AGGF1: variants seen among roughly 807,000 people sequenced by gnomAD.
AGGF1 encodes the protein angiogenic factor with G patch and FHA domains 1.
A neutral mutation model predicts 86.5 loss-of-function variants in AGGF1; 56 were observed. The ratio of observed to expected loss-of-function variants is 0.65; its 90% CI spans 0.52 to 0.81. The LOEUF (loss-of-function observed/expected upper bound fraction) is 0.81. AGGF1 is among the 30% of genes least tolerant of loss of function. The pLI is 0.00. For missense variants in AGGF1, 816 were observed against 850.9 expected (o/e 0.96, Z 0.51); for synonymous variants, 313 against 297.1 (o/e 1.05, Z -0.55).
intron 7 of AGGF1, 65 bp from the exon 8 acceptor site, chr5:77,048,871 C>T: frequency 6.8e-7 from 1 of 1,467,156 alleles, no homozygotes; most frequent in Non-Finnish European, 9.5e-7. Flanking sequence ...TTTTAAAATT[C>T]TTTCCATGTC....
At chr5:77,035,800 GTTA>G in intron 3 of AGGF1, 57 bp downstream of exon 3, 1 of 1,460,366 alleles carries the variant, frequency 6.8e-7, no homozygotes, top group South Asian at 1.1e-5. Context: ...CTTCTTTGTT[GTTA>G]TTATGTGGAA....
rs1236404006 is a variant in AGGF1 at position 77,048,215 on chromosome 5, TG to T, written c.1257del (p.Leu420CysfsTer3). 2 of 1,613,906 alleles carry T rather than the reference TG, an allele frequency of 1.2e-6. No homozygotes were observed. Among genetic ancestry groups the T allele is most frequent in the Non-Finnish European group, 8.5e-7 (1 of 1,179,852 alleles). ...AGAGTAATTGTCATTAGATCACCTG[TG>T]TTGCAGATAGGATCACTCTTTATCA... ...CIRVIVIRSP[V>X]LQIGSLFIIT... On this transcript the variant is annotated frameshift_variant, in exon 7 of 14. Transcript: ENST00000312916. LOFTEE classifies it high-confidence loss of function.
chr5:77,038,218 A>T (rs1163369632), intron 4 of AGGF1, among the ~76,000 whole-genome samples: 1 of 152,238 alleles, frequency 6.6e-6, no homozygotes, highest in Non-Finnish European at 1.5e-5. Flanking sequence ...CTAATTGACA[A>T]TGCTAATTAA....
chr5:77,055,674 T>C (rs1266520519), intron 11 of AGGF1, 78 bp downstream of exon 11: 1 of 947,880 alleles, frequency 1.1e-6, no homozygotes, highest in East Asian at 2.5e-5. Flanking sequence ...ATATGCTCAG[T>C]ACATTTTATA....
At chr5:77,062,423 G>T (rs1454053599) in intron 13 of AGGF1, among the ~76,000 whole-genome samples, 1 of 152,160 alleles carries the variant, frequency 6.6e-6, no homozygotes, top group South Asian at 2.1e-4. Context: ...GGATTTTGTA[G>T]TCAGACCTAG....
intron 12 of AGGF1, among the ~76,000 whole-genome samples, chr5:77,061,084 T>A (rs1049333885): frequency 6.6e-6 from 1 of 152,166 alleles, no homozygotes; most frequent in South Asian, 2.1e-4. Flanking sequence ...ATATGTAACA[T>A]GTACAGAAAA....
intron 1 of AGGF1, among the ~76,000 whole-genome samples, chr5:77,032,252 T>TAAAAAAAAAAAAAAAAAAAAAAAAAAA (rs35068401): frequency 9.3e-6 from 1 of 107,880 alleles, no homozygotes; most frequent in Non-Finnish European, 1.8e-5. Context: ...ACAAATATGG[T>TAAAAAAAAAAAAAAAAAAAAAAAAAAA]AAAAAAAAAA....
chr5:77,043,552 C>G (rs1747177457), intron 5 of AGGF1, among the ~76,000 whole-genome samples: 2 of 146,672 alleles, frequency 1.4e-5, no homozygotes, highest in African/African-American at 5.0e-5. Flanking sequence ...CCCCACCTCC[C>G]TCCCGGACGG....
chr5:77,041,133 C>T (rs4463165), intron 5 of AGGF1, among the ~76,000 whole-genome samples: 87,434 of 151,998 alleles, frequency 0.58, 25,571 homozygotes, highest in Non-Finnish European at 0.61. Context: ...ATTTGATTTG[C>T]TTCTGTTCTA....
At position 77,048,998 on chromosome 5, in the gene AGGF1, T is replaced by C. The variant is rs756491228; in HGVS notation, c.1365+11T>C. On this transcript the variant is annotated intron_variant, in intron 8 of 13. Transcript: ENST00000312916. ...GTTGGTGTCAGTAAGGTAAGCTCTT[T>C]GATTTATCAAATATAGTCCCCTAGA... 5.6e-6 allele frequency: 9 copies of C among 1,612,830 alleles called. No homozygotes were observed. The highest frequency in any genetic ancestry group is 1.7e-5 in the Admixed American group (1 of 60,024).
chr5:77,039,764 T>C, intron 5 of AGGF1, 45 bp downstream of exon 5: 2 of 1,556,444 alleles, frequency 1.3e-6, no homozygotes, highest in Non-Finnish European at 1.8e-6. Flanking sequence ...GGTGATAACA[T>C]GATAATTAAG....
In AGGF1 at chr5:77,030,787, C is replaced by CCCGCCGCGGTCG. The variant is rs1403365443; in HGVS notation, c.29_40dup (p.Arg10_Pro13dup). On this transcript the variant is annotated inframe_insertion, in exon 1 of 14. Coordinates refer to ENST00000312916, the MANE Select transcript of AGGF1 (RefSeq NM_018046.5). Reference sequence around the variant, plus strand: ...AGCTCATGGCCTCGGAGGCGCCGTCCCCGCCGCGGTCGCCGCCGCCGCCCA... The same window carrying CCCGCCGCGGTCG: ...AGCTCATGGCCTCGGAGGCGCCGTCCCCGCCGCGGTCGCCGCCGCGGTCGCCGCCGCCGCCCA... The CCCGCCGCGGTCG allele has an allele frequency of 7.6e-6, 12 of 1,587,720 alleles. No individual in the cohort carries two copies. Among genetic ancestry groups the CCCGCCGCGGTCG allele is most frequent in the East Asian group, 2.3e-5 (1 of 43,834 alleles).
chr5:77,059,878 G>T, intron 12 of AGGF1, 135 bp downstream of exon 12: 9 of 1,189,446 alleles, frequency 7.6e-6, no homozygotes, highest in Non-Finnish European at 1.1e-5. Flanking sequence ...GTCTTGCTCC[G>T]TCGCCCAGGC....
chr5:77,039,480 G>A (rs1554046159), intron 4 of AGGF1, 51 bp from the exon 5 acceptor site: 2 of 1,464,636 alleles, frequency 1.4e-6, no homozygotes, highest in East Asian at 4.7e-5. Context: ...TTTTCGTTAA[G>A]TTTATTTTAT....
chr5:77,053,799 A>G (rs1449425441), intron 9 of AGGF1, among the ~76,000 whole-genome samples, 166 bp from the exon 10 acceptor site: 1 of 152,094 alleles, frequency 6.6e-6, no homozygotes, highest in African/African-American at 2.4e-5. Context: ...TTTATGGGTC[A>G]TTAAGTTGGG....
At chr5:77,031,474 G>A (rs1465053918) in intron 1 of AGGF1, among the ~76,000 whole-genome samples, 2 of 152,202 alleles carry the variant, frequency 1.3e-5, no homozygotes, top group Non-Finnish European at 2.9e-5. Flanking sequence ...TCTTCTGGGC[G>A]TTTATCATCT....
intron 11 of AGGF1, among the ~76,000 whole-genome samples, chr5:77,058,971 A>C (rs1747503895): frequency 6.6e-6 from 1 of 152,198 alleles, no homozygotes; most frequent in Non-Finnish European, 1.5e-5. Flanking sequence ...AAGTCACTTA[A>C]ATGGAGCTTT....
At position 77,052,812 on chromosome 5, in the gene AGGF1, G is replaced by A. The variant is rs765383654; in HGVS notation, c.1467+5G>A. On this transcript the variant is annotated splice_donor_5th_base_variant and intron_variant, in intron 9 of 13. Coordinates refer to ENST00000312916, the MANE Select transcript of AGGF1 (RefSeq NM_018046.5). Reference sequence around the variant, plus strand: ...AATGGAAAACAGATTCTTCAGGTGAGTGTATATGTGTTAATTTGTTACCTG... The same window carrying A: ...AATGGAAAACAGATTCTTCAGGTGAATGTATATGTGTTAATTTGTTACCTG... 1.2e-6 allele frequency: 2 copies of A among 1,602,068 alleles called. No individual in the cohort carries two copies. The highest frequency in any genetic ancestry group is 1.7e-6 in the Non-Finnish European group (2 of 1,169,230).
chr5:77,047,999 C>T (rs1435911731), intron 6 of AGGF1, among the ~76,000 whole-genome samples, 162 bp from the exon 7 acceptor site: 2 of 152,028 alleles, frequency 1.3e-5, no homozygotes, highest in African/African-American at 2.4e-5. Flanking sequence ...TAAGCCTTAC[C>T]CATTGCTGCG....
Sources: allele counts gnomAD v4.1 joint callset (sites outside exome capture counted in the v4.1 genomes callset), GRCh38; gene constraint gnomAD v4.1.1; transcripts MANE v1.5; gene names NCBI Gene and HGNC (gene_info 2026-07-23, HGNC 2026-07-21).